Variants in HM13 observed in about 807,000 individuals in gnomAD.
HM13 encodes the protein signal peptide peptidase.
Under a neutral mutation model 50.0 loss-of-function variants are expected in HM13, and 18 were observed. That is an observed-to-expected ratio of 0.36 (90% CI 0.25 to 0.53). The LOEUF (loss-of-function observed/expected upper bound fraction) is 0.53, where lower values mean the gene tolerates loss of function less well. Ranked by LOEUF, HM13 falls within the 20% of genes least tolerant of loss-of-function variation. The pLI, the probability that HM13 is intolerant of heterozygous loss-of-function variation, is 0.90. For missense variants in HM13, 393 were observed against 552.4 expected (o/e 0.71, Z 2.89); for synonymous variants, 197 against 232.6 (o/e 0.85, Z 1.39).
At chr20:31,565,245 G>A (rs1302547759) in intron 10 of HM13, among the ~76,000 whole-genome samples, 15 of 151,680 alleles carry the variant, frequency 9.9e-5, no homozygotes, top group African/African-American at 2.4e-4. Flanking sequence ...TTGGGAGGCC[G>A]AGGCAGGTGG....
chr20:31,559,044 G>A (rs987945337), intron 8 of HM13, among the ~76,000 whole-genome samples: 10 of 152,156 alleles, frequency 6.6e-5, no homozygotes, highest in Admixed American at 3.9e-4. Context: ...TCAGCCTCCC[G>A]AGTAGCTGGG....
At chr20:31,548,866 C>T in intron 4 of HM13, 163 bp from the exon 5 acceptor site, 1 of 693,112 alleles carries the variant, frequency 1.4e-6, no homozygotes, top group Non-Finnish European at 2.6e-6. Flanking sequence ...AGTGAGCTCT[C>T]CCCTTCTGAA....
Position 31,518,872 on chromosome 20 carries a change from G to T in HM13, c.183+4138G>T, listed in dbSNP as rs573941425. 5.4e-3 allele frequency among the ~76,000 whole-genome samples: 816 copies of T among 151,844 alleles called. 8 individuals are homozygous for T. The highest frequency in any genetic ancestry group is 0.018 in the African/African-American group (757 of 41,364). On this transcript the variant is annotated intron_variant, in intron 1 of 12. Coordinates refer to ENST00000398174, the MANE Select transcript of HM13 (RefSeq NM_178581.3). ...AAATATATACATATATATATAGAGA[G>T]AGAGAGAGAGAGATCTACCTCATCT...
At chr20:31,526,096 G>A (rs1982474039) in intron 1 of HM13, among the ~76,000 whole-genome samples, 1 of 152,068 alleles carries the variant, frequency 6.6e-6, no homozygotes, top group South Asian at 2.1e-4. Context: ...CTGCACTCCA[G>A]CCTAGGTGAC....
chr20:31,536,416 C>G (rs1983109576), intron 2 of HM13, among the ~76,000 whole-genome samples: 1 of 151,752 alleles, frequency 6.6e-6, no homozygotes, highest in Non-Finnish European at 1.5e-5. Flanking sequence ...TTCCACTGCT[C>G]ATCACTTCCC....
intron 2 of HM13, among the ~76,000 whole-genome samples, chr20:31,536,026 C>T (rs980087857): frequency 1.2e-4 from 18 of 151,818 alleles, no homozygotes; most frequent in Admixed American, 9.8e-4. Context: ...CCCCCAAGCC[C>T]TTGTATCCAG....
Position 31,514,475 on chromosome 20 carries a change from C to T in HM13, c.-77C>T. 4 of 1,494,742 alleles carry T rather than the reference C, an allele frequency of 2.7e-6. No individual in the cohort carries two copies. Among genetic ancestry groups the T allele is most frequent in the Non-Finnish European group, 3.6e-6 (4 of 1,103,878 alleles). 92.6% of individuals were successfully genotyped at this position (1,494,742 alleles called of 1,614,324 possible). On this transcript the variant is annotated 5_prime_UTR_variant, in exon 1 of 13. Transcript: ENST00000398174. The surrounding 1 kb of genome is among the most constrained non-coding windows in gnomAD (Gnocchi z 4.3). The stretch of plus-strand genomic sequence containing the variant: ...TTGCCTTAGGGGAACGTGGCTTTCC[C>T]TGCAGAGCCGGTGTCTCCGCCTGCG...
chr20:31,527,541 A>G lies in HM13; in HGVS notation c.241A>G (p.Ile81Val), dbSNP rs1312672834. 2 of 1,614,174 alleles carry G rather than the reference A, an allele frequency of 1.2e-6. No homozygotes were observed. Among genetic ancestry groups the G allele is most frequent in the East Asian group, 4.5e-5 (2 of 44,874 alleles). The change falls in exon 2 of 13, where the codon ATC (isoleucine) becomes GTC (valine). Residue 81 changes from isoleucine (I) to valine (V), a missense_variant. By Grantham distance (29) the Ile-to-Val change is conservative (BLOSUM62 3). Coordinates refer to ENST00000398174, the MANE Select transcript of HM13 (RefSeq NM_178581.3). ...TSRDAARFPI[I>V]ASCTLLGLYL... Reference sequence around the variant, plus strand: ...CCGGGATGCCGCCCGCTTCCCCATCATCGCCAGCTGCACACTCTTGGGGCT... The same window carrying G: ...CCGGGATGCCGCCCGCTTCCCCATCGTCGCCAGCTGCACACTCTTGGGGCT...
At chr20:31,521,157 T>A (rs1982136151) in intron 1 of HM13, among the ~76,000 whole-genome samples, 1 of 152,252 alleles carries the variant, frequency 6.6e-6, no homozygotes, top group Non-Finnish European at 1.5e-5. Context: ...TTAGTATTTT[T>A]GTAACTACAA....
chr20:31,559,099 A>C (rs6058102), intron 8 of HM13, among the ~76,000 whole-genome samples: 41,660 of 152,056 alleles, frequency 0.27, 8,607 homozygotes, highest in African/African-American at 0.58. Context: ...TTGTATTTTT[A>C]GTGAGACGAG....
intron 1 of HM13, among the ~76,000 whole-genome samples, chr20:31,521,743 A>AG (rs1568779024): frequency 6.6e-6 from 1 of 151,500 alleles, no homozygotes; most frequent in African/African-American, 2.4e-5. Context: ...AAAAAAAAAA[A>AG]AAGTACCTGC....
chr20:31,527,280 G>A (rs1391761969), intron 1 of HM13, among the ~76,000 whole-genome samples: 3 of 151,954 alleles, frequency 2.0e-5, no homozygotes, highest in Non-Finnish European at 4.4e-5. Context: ...GGAGGCTGTA[G>A]TGAGCCAAGA....
intron 2 of HM13, among the ~76,000 whole-genome samples, chr20:31,536,719 C>T (rs1983131363): frequency 6.6e-6 from 1 of 152,164 alleles, no homozygotes; most frequent in South Asian, 2.1e-4. Context: ...CACACATGAA[C>T]ATTCACCCAC....
intron 1 of HM13, among the ~76,000 whole-genome samples, chr20:31,516,181 T>C (rs1445047297): frequency 6.6e-6 from 1 of 152,164 alleles, no homozygotes; most frequent in South Asian, 2.1e-4. Flanking sequence ...AGACACTTAG[T>C]GTAGAGAGCA....
chr20:31,567,159 G>A (rs1034089997), intron 11 of HM13, among the ~76,000 whole-genome samples: 4 of 152,076 alleles, frequency 2.6e-5, no homozygotes, highest in Admixed American at 2.0e-4. Context: ...ACATTGCCTC[G>A]CCCAGCAAAG....
At chr20:31,552,956 C>G (rs193148676) in intron 7 of HM13, among the ~76,000 whole-genome samples, 6 of 152,030 alleles carry the variant, frequency 3.9e-5, no homozygotes, top group African/African-American at 1.4e-4. Context: ...GCCTGGGTGA[C>G]AGAGTAAGAC....
At chr20:31,532,486 C>G (rs1247674482) in intron 2 of HM13, among the ~76,000 whole-genome samples, 1 of 152,066 alleles carries the variant, frequency 6.6e-6, no homozygotes, top group African/African-American at 2.4e-5. Context: ...GCATACCATC[C>G]TTGGTCCATG....
At chr20:31,558,076 G>A (rs980921772) in intron 8 of HM13, among the ~76,000 whole-genome samples, 5 of 152,354 alleles carry the variant, frequency 3.3e-5, no homozygotes, top group East Asian at 1.9e-4. Context: ...TAAGGGAGGC[G>A]ACACACAGGG....
chr20:31,530,402 CA>C (rs1463190333), intron 2 of HM13, among the ~76,000 whole-genome samples: 5 of 136,980 alleles, frequency 3.7e-5, no homozygotes, highest in African/African-American at 1.7e-4. Context: ...CAAATTACCC[CA>C]TTCTTTCATT....
Sources: gnomAD v4.1 joint callset for allele counts (sites outside exome capture counted in the v4.1 genomes callset) on GRCh38, gnomAD v4.1.1 for gene constraint, Gnocchi (gnomAD v3.1) non-coding constraint, MANE v1.5 for transcripts, NCBI Gene and HGNC (gene_info 2026-07-23, HGNC 2026-07-21) for gene names.